NBDY: variants seen among roughly 807,000 people sequenced by gnomAD.
NBDY encodes the protein negative regulator of P-body association.
rs2069916284 is a variant in NBDY, at chrX:56,817,548, G to A, written c.*395G>A. 1 of 111,614 alleles carries A rather than the reference G, an allele frequency of 9.0e-6. No homozygotes were observed. Among genetic ancestry groups the A allele is most frequent in the Admixed American group, 9.6e-5 (1 of 10,391 alleles). The allele number at this position is 111,614 out of a possible 1,213,427, so 9.2% of individuals were successfully genotyped here. A position where few individuals can be genotyped will look rare whatever the true frequency, so the allele number is the denominator to read the frequency against. ...CTTTATATTCCTATAAATCCATTAA[G>A]GCCCCAATAAAGTTTGTCTCTAAGC... On this transcript the variant is annotated 3_prime_UTR_variant, in exon 3 of 3. Coordinates refer to ENST00000374922, the MANE Select transcript of NBDY (RefSeq NM_001348129.2).
At chrX:56,730,017 A>G (rs1471431327) in intron 1 of NBDY, among the ~76,000 whole-genome samples, 2 of 110,204 alleles carry the variant, frequency 1.8e-5, no homozygotes, top group Non-Finnish European at 3.8e-5. Context: ...GGCTGGTTCA[A>G]GGCCAATAAA....
intron 2 of NBDY, among the ~76,000 whole-genome samples, chrX:56,748,546 A>G (rs184569328): frequency 3.7e-3 from 401 of 108,171 alleles, no homozygotes; most frequent in African/African-American, 0.012. Flanking sequence ...GAGAAAAGTT[A>G]TGGATTGAGA....
At chrX:56,736,557 C>T (rs768046962) in intron 2 of NBDY, among the ~76,000 whole-genome samples, 4 of 112,256 alleles carry the variant, frequency 3.6e-5, no homozygotes, top group Admixed American at 9.4e-5. Flanking sequence ...TGAGCCACCA[C>T]GCCCGGCCAA....
intron 2 of NBDY, among the ~76,000 whole-genome samples, chrX:56,749,703 G>C (rs1168455256): frequency 9.4e-6 from 1 of 106,460 alleles, no homozygotes; most frequent in African/African-American, 3.5e-5. Context: ...CCAGGCTCGA[G>C]TAGAGTGTCA....
chrX:56,743,517 T>C (rs2069541950), intron 2 of NBDY, among the ~76,000 whole-genome samples: 1 of 111,085 alleles, frequency 9.0e-6, no homozygotes, highest in Admixed American at 9.6e-5. Flanking sequence ...ATATGTCATA[T>C]GTGTAGAGGA....
At chrX:56,791,578 C>G (rs1335220977) in intron 2 of NBDY, among the ~76,000 whole-genome samples, 1 of 111,418 alleles carries the variant, frequency 9.0e-6, no homozygotes, top group Non-Finnish European at 1.9e-5. Flanking sequence ...TGATTCCACT[C>G]AGGAAAGATC....
intron 2 of NBDY, among the ~76,000 whole-genome samples, chrX:56,765,668 A>C (rs2069661731): frequency 1.9e-5 from 2 of 103,620 alleles, no homozygotes; most frequent in Non-Finnish European, 4.0e-5. Flanking sequence ...TCCTCCTCCT[A>C]CCCCTCTTCT....
intron 2 of NBDY, among the ~76,000 whole-genome samples, chrX:56,765,163 C>T (rs2069659288): frequency 8.9e-6 from 1 of 112,236 alleles, no homozygotes; most frequent in South Asian, 3.7e-4. Context: ...AACAGGCTTA[C>T]TTTTCCTAAG....
rs1186901563 is a variant in NBDY, at chrX:56,818,611, CTT to C, written c.*1459_*1460del. ...ACAGTATTATAAAGATGACAACACT[CTT>C]CAAAATAATCAAACTATTCAATGCA... is the stretch of plus-strand genomic sequence containing the variant. On this transcript the variant is annotated 3_prime_UTR_variant, in exon 3 of 3. Transcript: ENST00000374922. 1 of 111,929 alleles carries C rather than the reference CTT, an allele frequency of 8.9e-6. No homozygotes were observed. The highest frequency in any genetic ancestry group is 2.8e-4 in the East Asian group (1 of 3,591). The allele number at this position is 111,929 out of a possible 1,213,427, so 9.2% of individuals were successfully genotyped here. A position where few individuals can be genotyped will look rare whatever the true frequency, so the allele number is the denominator to read the frequency against.
intron 2 of NBDY, among the ~76,000 whole-genome samples, chrX:56,799,129 C>T (rs1378629873): frequency 5.3e-5 from 6 of 112,275 alleles, no homozygotes; most frequent in Non-Finnish European, 7.5e-5. Flanking sequence ...GGTCTATGCT[C>T]ATTCCCAGGA....
chrX:56,761,877 C>T (rs761892221), intron 2 of NBDY, among the ~76,000 whole-genome samples: 37 of 112,453 alleles, frequency 3.3e-4, no homozygotes, highest in African/African-American at 1.1e-3. Context: ...GTGTCCTTTT[C>T]CTCTCCGTTT....
At chrX:56,788,197 G>C (rs1364620659) in intron 2 of NBDY, among the ~76,000 whole-genome samples, 2 of 112,585 alleles carry the variant, frequency 1.8e-5, no homozygotes, top group Admixed American at 1.9e-4. Flanking sequence ...CTGGGACCAG[G>C]TGGCTTGTTC....
intron 2 of NBDY, among the ~76,000 whole-genome samples, chrX:56,764,397 G>C (rs927660826): frequency 1.8e-5 from 2 of 111,654 alleles, no homozygotes; most frequent in Admixed American, 9.4e-5. Flanking sequence ...ACTGGTCTTG[G>C]GGCTGCCTGG....
At chrX:56,758,407 G>A (rs985141726) in intron 2 of NBDY, among the ~76,000 whole-genome samples, 6 of 111,045 alleles carry the variant, frequency 5.4e-5, no homozygotes, top group Non-Finnish European at 1.1e-4. Context: ...GAACAGGGTC[G>A]AGAAAGGCAT....
chrX:56,787,325 A>C (rs1319207792), intron 2 of NBDY, among the ~76,000 whole-genome samples: 8 of 110,467 alleles, frequency 7.2e-5, no homozygotes, highest in African/African-American at 2.6e-4. Context: ...CACACACACA[A>C]ACACACAGAA....
intron 2 of NBDY, among the ~76,000 whole-genome samples, chrX:56,759,571 C>T (rs760249652): frequency 1.1e-4 from 12 of 109,765 alleles, no homozygotes; most frequent in Non-Finnish European, 1.1e-4. Context: ...AGCAGGGTTA[C>T]AGTTATAGTT....
intron 2 of NBDY, among the ~76,000 whole-genome samples, chrX:56,756,858 A>G (rs2069613900): frequency 9.0e-6 from 1 of 110,855 alleles, no homozygotes; most frequent in Admixed American, 9.6e-5. Flanking sequence ...CTGGAGGCTG[A>G]GGCATGAGAA....
At chrX:56,813,912 CTT>C (rs376478662) in intron 2 of NBDY, among the ~76,000 whole-genome samples, 101 of 111,865 alleles carry the variant, frequency 9.0e-4, no homozygotes, top group African/African-American at 3.1e-3. Context: ...ACTGGTGTCT[CTT>C]TGCCACTCCC....
chrX:56,731,173 C>T (rs2069455897), intron 1 of NBDY, among the ~76,000 whole-genome samples: 1 of 110,381 alleles, frequency 9.1e-6, no homozygotes, highest in Admixed American at 9.7e-5. Context: ...CCTGTCATTC[C>T]ATACAGTTTT....
Sources: gnomAD v4.1 joint callset for allele counts (sites outside exome capture counted in the v4.1 genomes callset) on GRCh38, gnomAD v4.1.1 for gene constraint, MANE v1.5 for transcripts, NCBI Gene and HGNC (gene_info 2026-07-23, HGNC 2026-07-21) for gene names.